Variants in PPARG observed in about 807,000 individuals in gnomAD.
PPARG encodes peroxisome proliferator-activated receptor gamma.
A neutral mutation model predicts 39.2 loss-of-function variants in PPARG; 17 were observed. The ratio of observed to expected loss-of-function variants is 0.43; its 90% CI spans 0.30 to 0.65. The LOEUF is 0.65. Among genes scored for constraint, PPARG ranks in the 30% least tolerant of loss-of-function variants. The pLI, the probability that PPARG is intolerant of heterozygous loss-of-function variation, is 0.13. For synonymous variants in PPARG, 223 were observed against 215.7 expected (o/e 1.03, Z -0.30); for missense variants, 406 against 585.9 (o/e 0.69, Z 3.17).
At chr3:12,394,549 A>T (rs1012667370) in intron 5 of PPARG, among the ~76,000 whole-genome samples, 1 of 152,174 alleles carries the variant, frequency 6.6e-6, no homozygotes, top group Non-Finnish European at 1.5e-5. Flanking sequence ...GAGAGGGTCA[A>T]TCTTGATAGG....
chr3:12,340,252 G>A (rs1057160806), intron 2 of PPARG, among the ~76,000 whole-genome samples: 2 of 152,162 alleles, frequency 1.3e-5, no homozygotes, highest in Non-Finnish European at 2.9e-5. Context: ...GAATTCCCAA[G>A]TAACAATTAA....
chr3:12,383,233 CA>C (rs2049749786), intron 4 of PPARG, among the ~76,000 whole-genome samples: 1 of 151,774 alleles, frequency 6.6e-6, no homozygotes, highest in Non-Finnish European at 1.5e-5. Context: ...TCTGTAATTT[CA>C]AAATGACACT....
chr3:12,405,809 C>T (rs187009013), intron 5 of PPARG, 73 bp from the exon 6 acceptor site: 2 of 1,489,936 alleles, frequency 1.3e-6, no homozygotes, highest in East Asian at 2.3e-5. Context: ...GGAACGAGGG[C>T]TGGGAGAGCA....
chr3:12,287,798 GCCCCCGCCCCCGCCCCCGCCCCCA>G (rs1346172195), upstream of PPARG: 9 of 43,316 alleles, frequency 2.1e-4, no homozygotes, highest in South Asian at 2.9e-3. Context: ...CGCCGCCCCC[GCCCCCGCCCCCGCCCCCGCCCCCA>G]CCCCCACCCC....
At chr3:12,404,132 G>T (rs960314222) in intron 5 of PPARG, among the ~76,000 whole-genome samples, 1 of 152,086 alleles carries the variant, frequency 6.6e-6, no homozygotes, top group Admixed American at 6.6e-5. Context: ...TAGGGAACAG[G>T]ATTTTTGACC....
intron 1 of PPARG, among the ~76,000 whole-genome samples, chr3:12,295,470 A>G (rs2046755378): frequency 6.6e-6 from 1 of 151,934 alleles, no homozygotes; most frequent in African/African-American, 2.4e-5. Flanking sequence ...TAAAAGCAAT[A>G]TAATGTATTT....
intron 2 of PPARG, among the ~76,000 whole-genome samples, chr3:12,338,566 AAAAT>A (rs1225645820): frequency 1.3e-5 from 2 of 152,356 alleles, no homozygotes; most frequent in East Asian, 3.9e-4. Flanking sequence ...TTACACAACC[AAAAT>A]AAATTTTAAA....
chr3:12,397,554 G>T (rs1466733341), intron 5 of PPARG, among the ~76,000 whole-genome samples: 1 of 151,624 alleles, frequency 6.6e-6, no homozygotes, highest in Non-Finnish European at 1.5e-5. Flanking sequence ...GGGACTACAG[G>T]CGCCTGCCAC....
intron 2 of PPARG, among the ~76,000 whole-genome samples, chr3:12,343,994 G>T (rs2048259516): frequency 1.3e-5 from 2 of 150,360 alleles, no homozygotes; most frequent in African/African-American, 4.9e-5. Context: ...CTGAGTACCT[G>T]GGAATACAAG....
rs148135959 is a variant in PPARG, at chr3:12,389,856, C to T, written c.391-2758C>T. The stretch of plus-strand genomic sequence containing the variant: ...AGGTTGCAGTGAGCCGAGATAGCAC[C>T]ACTGCACTCCAGCCTGAGCAAGAGA... On this transcript the variant is annotated intron_variant, in intron 4 of 7. Transcript: ENST00000651735. Among the ~76,000 whole-genome samples, 264 of 152,244 alleles carry T rather than the reference C, an allele frequency of 1.7e-3. 1 individual carries two copies. The highest frequency in any genetic ancestry group is 3.1e-3 in the Non-Finnish European group (210 of 68,012).
intron 2 of PPARG, among the ~76,000 whole-genome samples, chr3:12,325,059 G>A (rs958133306): frequency 6.6e-6 from 1 of 152,152 alleles, no homozygotes; most frequent in Non-Finnish European, 1.5e-5. Flanking sequence ...GGCTGAGGCG[G>A]GCGGATCACT....
chr3:12,306,834 C>T (rs986118936), intron 1 of PPARG, among the ~76,000 whole-genome samples: 3 of 152,132 alleles, frequency 2.0e-5, no homozygotes, highest in Admixed American at 6.5e-5. Context: ...CGGTGGCTCA[C>T]GCCTGTAATC....
intron 1 of PPARG, among the ~76,000 whole-genome samples, chr3:12,302,216 T>G (rs959419232): frequency 3.9e-5 from 6 of 152,110 alleles, no homozygotes; most frequent in Non-Finnish European, 5.9e-5. Context: ...ATTGACAGGA[T>G]AGCCTCACGA....
In PPARG at chr3:12,392,647, A is replaced by G. The variant is rs771815282; in HGVS notation, c.424A>G (p.Ile142Val). The change falls in exon 5 of 8, where the codon ATC becomes GTC. Residue 142 changes from isoleucine to valine, a missense_variant. Physicochemically the swap from Ile to Val is conservative, Grantham distance 29 (BLOSUM62 3). Coordinates refer to ENST00000651735, the MANE Select transcript of PPARG (RefSeq NM_138711.6). ...CCGGAGAACAATCAGATTGAAGCTT[A>G]TCTATGACAGATGTGATCTTAACTG... ...FFRRTIRLKL[I>V]YDRCDLNCRI... The G allele has an allele frequency of 1.5e-5, 24 of 1,613,850 alleles. No individual in the cohort carries two copies. The highest frequency in any genetic ancestry group is 1.9e-5 in the Non-Finnish European group (22 of 1,179,876).
intron 2 of PPARG, among the ~76,000 whole-genome samples, chr3:12,369,940 CCTT>C (rs1194899369): frequency 6.6e-6 from 1 of 152,152 alleles, no homozygotes; most frequent in Non-Finnish European, 1.5e-5. Context: ...TCCCACCTGG[CCTT>C]CTTCCTCCTG....
At chr3:12,367,384 C>T (rs541753848) in intron 2 of PPARG, among the ~76,000 whole-genome samples, 23 of 152,098 alleles carry the variant, frequency 1.5e-4, no homozygotes, top group Non-Finnish European at 2.5e-4. Flanking sequence ...AGCAGAGGAA[C>T]CAAGCTTGAG....
chr3:12,379,582 G>T (rs2049548469), intron 2 of PPARG, 122 bp from the exon 3 acceptor site: 3 of 867,478 alleles, frequency 3.5e-6, no homozygotes, highest in Middle Eastern at 2.5e-4. Flanking sequence ...CTTTTCTGTT[G>T]TTGTGAGCGC....
intron 1 of PPARG, among the ~76,000 whole-genome samples, chr3:12,311,287 A>G (rs1025028409): frequency 3.9e-5 from 6 of 151,964 alleles, no homozygotes; most frequent in Non-Finnish European, 7.4e-5. Context: ...TGTTTTTTGT[A>G]GAGACAGGAT....
chr3:12,432,723 A>G (rs1334983001), intron 7 of PPARG, among the ~76,000 whole-genome samples: 1 of 152,232 alleles, frequency 6.6e-6, no homozygotes, highest in Non-Finnish European at 1.5e-5. Flanking sequence ...ATAATTATCT[A>G]TCCAAAAAAA....
Sources: allele counts gnomAD v4.1 joint callset (sites outside exome capture counted in the v4.1 genomes callset), GRCh38; gene constraint gnomAD v4.1.1; transcripts MANE v1.5; gene names NCBI Gene and HGNC (gene_info 2026-07-23, HGNC 2026-07-21).